SLA2: variants seen among roughly 807,000 people sequenced by gnomAD.
The protein encoded by SLA2 is Src like adaptor 2, also known as src-like-adapter 2.
A neutral mutation model predicts 27.3 loss-of-function variants in SLA2; 22 were observed. The ratio of observed to expected loss-of-function variants is 0.81; its 90% confidence interval spans 0.58 to 1.15. The LOEUF (loss-of-function observed/expected upper bound fraction) is 1.15. SLA2 is among the 50% of genes most tolerant of loss of function. SLA2 has a pLI of 0.00. For missense variants in SLA2, 304 were observed against 322.2 expected, an observed-to-expected ratio of 0.94 and a Z score of 0.43; for synonymous variants, 131 against 137.8, an observed-to-expected ratio of 0.95 and a Z score of 0.34.
chr20:36,613,795 G>A lies in SLA2; in HGVS notation c.*71C>T. 1.3e-6 allele frequency: 2 copies of A among 1,487,054 alleles called. No homozygotes were observed. The highest frequency in any genetic ancestry group is 1.8e-6 in the Non-Finnish European group (2 of 1,104,060). 92.1% of individuals were successfully genotyped at this position (1,487,054 alleles called of 1,614,324 possible). A position where few individuals can be genotyped will look rare whatever the true frequency, so the allele number is the denominator to read the frequency against. Reference sequence around the variant, plus strand: ...CCCTGAGTGCACAGCCTTGCCTCTGGGGTGCCCAGGAGGCTGAATTGGGGT... The same window carrying A: ...CCCTGAGTGCACAGCCTTGCCTCTGAGGTGCCCAGGAGGCTGAATTGGGGT... On this transcript the variant is annotated 3_prime_UTR_variant, in exon 8 of 8. Transcript: ENST00000262866.
rs373207105 is a variant in SLA2 at position 36,620,190 on chromosome 20, A to G, written c.383-4816T>C. On this transcript the variant is annotated intron_variant, in intron 5 of 7. Coordinates refer to ENST00000262866, the MANE Select transcript of SLA2 (RefSeq NM_032214.4). ...CAGATCACGAGGTCAGGAGTTCAAG[A>G]CCAGCCTGGCTAACATGGTGAAACC... Among the ~76,000 whole-genome samples the G allele has an allele frequency of 4.6e-3, 696 of 151,394 alleles. 9 individuals are homozygous for G. The highest frequency in any genetic ancestry group is 0.041 in the South Asian group (193 of 4,746).
intron 2 of SLA2, among the ~76,000 whole-genome samples, chr20:36,640,264 A>T (rs1369672138): frequency 1.3e-5 from 2 of 152,082 alleles, no homozygotes; most frequent in East Asian, 3.9e-4. Flanking sequence ...GCTTCACTGC[A>T]CTCCAGCCTG....
chr20:36,637,774 A>C (rs1226120607), intron 2 of SLA2, among the ~76,000 whole-genome samples: 1 of 145,284 alleles, frequency 6.9e-6, no homozygotes, highest in African/African-American at 2.6e-5. Flanking sequence ...TTACAGGCAC[A>C]TACCACTATG....
At chr20:36,615,084 A>T (rs2039192644) in intron 6 of SLA2, 141 bp downstream of exon 6, 1 of 1,468,214 alleles carries the variant, frequency 6.8e-7, no homozygotes, top group Non-Finnish European at 9.0e-7. Context: ...TTCTTGGCAT[A>T]GGGACTGGCG....
In SLA2 at chr20:36,615,496, C is replaced by T. The variant is rs1050160784; in HGVS notation, c.383-122G>A. 1.5e-5 allele frequency: 16 copies of T among 1,059,778 alleles called. No individual in the cohort carries two copies. The South Asian group carries it at 2.4e-4, about 16-fold the overall frequency. 65.6% of individuals were successfully genotyped at this position (1,059,778 alleles called of 1,614,324 possible). On this transcript the variant is annotated intron_variant, in intron 5 of 7. Transcript: ENST00000262866. ...CCCGGCAGAAGGGAAGTGTCTGGGGCAGAAGCAGGACAAAGACTTGCTCTC... is the reference window on the plus strand; with the variant it reads ...CCCGGCAGAAGGGAAGTGTCTGGGGTAGAAGCAGGACAAAGACTTGCTCTC...
intron 5 of SLA2, among the ~76,000 whole-genome samples, chr20:36,628,547 AATTT>A (rs995983602): frequency 2.0e-5 from 3 of 151,946 alleles, no homozygotes; most frequent in African/African-American, 4.8e-5. Context: ...TGATTTATTG[AATTT>A]ATTTATTTAT....
intron 1 of SLA2, among the ~76,000 whole-genome samples, chr20:36,643,381 C>T (rs1233008866): frequency 6.6e-6 from 1 of 152,194 alleles, no homozygotes; most frequent in East Asian, 1.9e-4. Context: ...ATTCATGGAG[C>T]TTCTGCTCTG....
At chr20:36,619,448 C>A (rs1487945493) in intron 5 of SLA2, among the ~76,000 whole-genome samples, 1 of 151,216 alleles carries the variant, frequency 6.6e-6, no homozygotes, top group Non-Finnish European at 1.5e-5. Flanking sequence ...ATTGCTTGAA[C>A]CTGGGAGCAG....
At chr20:36,641,209 G>C in intron 2 of SLA2, 36 bp downstream of exon 2, 2 of 1,563,832 alleles carry the variant, frequency 1.3e-6, no homozygotes, top group South Asian at 2.2e-5. Flanking sequence ...AGTACTGTGT[G>C]GGAAGAGCCT....
intron 2 of SLA2, among the ~76,000 whole-genome samples, chr20:36,640,466 C>A (rs2039495174): frequency 6.7e-6 from 1 of 150,024 alleles, no homozygotes; most frequent in Non-Finnish European, 1.5e-5. Context: ...ACTACGTGTG[C>A]TATTGAGCAC....
intron 7 of SLA2, 33 bp downstream of exon 7, chr20:36,614,268 GTCCT>G: frequency 6.2e-7 from 1 of 1,614,064 alleles, no homozygotes; most frequent in South Asian, 1.1e-5. Context: ...CTAACTCTTG[GTCCT>G]GCTTTCATGT....
chr20:36,626,397 A>AC (rs1225632595), intron 5 of SLA2, among the ~76,000 whole-genome samples: 6 of 150,960 alleles, frequency 4.0e-5, no homozygotes, highest in African/African-American at 1.5e-4. Context: ...TCTAAAAAAA[A>AC]AAAAACACAC....
intron 5 of SLA2, chr20:36,620,437 T>C (rs1303616670): frequency 8.9e-6 from 2 of 223,940 alleles, no homozygotes; most frequent in Non-Finnish European, 1.8e-5. Context: ...TTGAGAGACC[T>C]CTGAAAAGTA....
chr20:36,636,561 C>G (rs1261716083), intron 2 of SLA2, among the ~76,000 whole-genome samples: 5 of 141,782 alleles, frequency 3.5e-5, no homozygotes, highest in Non-Finnish European at 7.6e-5. Context: ...GCGGAGATCA[C>G]ATCATTGCAC....
At chr20:36,636,096 A>G (rs994447395) in intron 2 of SLA2, among the ~76,000 whole-genome samples, 1 of 152,052 alleles carries the variant, frequency 6.6e-6, no homozygotes, top group East Asian at 1.9e-4. Context: ...AGGTCCTGTC[A>G]CAAGGCCTGG....
chr20:36,617,058 T>TA (rs1349653573), intron 5 of SLA2, among the ~76,000 whole-genome samples: 1 of 143,522 alleles, frequency 7.0e-6, no homozygotes, highest in African/African-American at 2.6e-5. Context: ...AATAAATAAA[T>TA]AAAAAACCCA....
At position 36,634,501 on chromosome 20, in the gene SLA2, G is replaced by A; in HGVS notation, c.180C>T (p.Thr60=). The change falls in exon 3 of 8, where the codon ACC becomes ACT. Residue 60 remains threonine, a synonymous_variant. Coordinates refer to ENST00000262866, the MANE Select transcript of SLA2 (RefSeq NM_032214.4). ...GCCCATGGACTTACTCAGAGACGAT[G>A]GTCAATGGCTCCCCGAGTCTCAGCG... ...ELSLRLGEPL[T]IVSEDGDWWT... The A allele has an allele frequency of 2.5e-6, 4 of 1,608,850 alleles. No individual in the cohort carries two copies. The highest frequency in any genetic ancestry group is 3.4e-6 in the Non-Finnish European group (4 of 1,176,854).
intron 5 of SLA2, among the ~76,000 whole-genome samples, chr20:36,628,153 G>T (rs1372923508): frequency 6.6e-6 from 1 of 152,100 alleles, no homozygotes; most frequent in Admixed American, 6.5e-5. Flanking sequence ...TTAGGTCTGC[G>T]GTAGGGCCTA....
chr20:36,641,338 T>C lies in SLA2; in HGVS notation c.-3A>G. On this transcript the variant is annotated 5_prime_UTR_variant, in exon 2 of 8. Coordinates refer to ENST00000262866, the MANE Select transcript of SLA2 (RefSeq NM_032214.4). ...CTTCTGCTGGGCAGACTTCCCATTG[T>C]TCCTCAGCAGAGCACTCAGAAGCAC... is the stretch of plus-strand genomic sequence containing the variant. 6.2e-7 allele frequency: 1 copy of C among 1,613,322 alleles called. No individual in the cohort carries two copies. The highest frequency in any genetic ancestry group is 8.5e-7 in the Non-Finnish European group (1 of 1,179,338).
Sources: allele counts gnomAD v4.1 joint callset (sites outside exome capture counted in the v4.1 genomes callset), GRCh38; gene constraint gnomAD v4.1.1; transcripts MANE v1.5; gene names NCBI Gene and HGNC (gene_info 2026-07-23, HGNC 2026-07-21).